The following GATA4 variants were observed in gnomAD, a reference collection of about 807,000 sequenced individuals.
GATA4 encodes the protein transcription factor GATA-4.
GATA4 carries 7 observed loss-of-function variants against 37.9 expected under a neutral mutation model. The observed-to-expected ratio is 0.18, with a 90% CI of 0.11 to 0.35. The LOEUF is 0.35. Ranked by LOEUF, GATA4 falls within the 10% of genes least tolerant of loss-of-function variation. The pLI is 1.00. For synonymous variants in GATA4, 372 were observed against 292.6 expected (o/e 1.27, Z -2.77); for missense variants, 647 against 653.0 (o/e 0.99, Z 0.10).
chr8:11,693,560 C>CAGAGAGAGAGAGAGAG (rs1285850308), intron 1 of GATA4, among the ~76,000 whole-genome samples: 13 of 68,920 alleles, frequency 1.9e-4, no homozygotes, highest in South Asian at 7.0e-4. Flanking sequence ...CACACACACA[C>CAGAGAGAGAGAGAGAG]ACAGAGAGAG....
At chr8:11,745,967 G>T (rs1193920870) in intron 2 of GATA4, among the ~76,000 whole-genome samples, 1 of 152,192 alleles carries the variant, frequency 6.6e-6, no homozygotes, top group Non-Finnish European at 1.5e-5. Context: ...TTCTGAATAT[G>T]TTTAAATTTT....
upstream of GATA4, among the ~76,000 whole-genome samples, chr8:11,690,772 G>A (rs116243442): frequency 3.7e-3 from 560 of 152,324 alleles, 2 homozygotes; most frequent in African/African-American, 0.011. Context: ...TCCGGAGGCC[G>A]AGGTGGGAGG....
intron 2 of GATA4, among the ~76,000 whole-genome samples, chr8:11,728,023 G>T (rs571671496): frequency 1.3e-5 from 2 of 152,234 alleles, no homozygotes; most frequent in African/African-American, 2.4e-5. Flanking sequence ...GGAGTTTCAC[G>T]CTTGTTGCCC....
chr8:11,698,655 G>C (rs1239158404), intron 1 of GATA4, among the ~76,000 whole-genome samples: 2 of 152,124 alleles, frequency 1.3e-5, no homozygotes, highest in Non-Finnish European at 2.9e-5. Context: ...GGTGCCCCTG[G>C]CTTCTGGTCA....
chr8:11,679,685 C>G (rs1798892679), intron 1 of GATA4, among the ~76,000 whole-genome samples: 1 of 152,194 alleles, frequency 6.6e-6, no homozygotes, highest in African/African-American at 2.4e-5. Context: ...CCTGAGTGGG[C>G]CGGGTGCTGG....
chr8:11,696,465 G>T (rs1471679806), intron 1 of GATA4, among the ~76,000 whole-genome samples: 2 of 151,974 alleles, frequency 1.3e-5, no homozygotes, highest in Non-Finnish European at 2.9e-5. Context: ...TTGTTACTGA[G>T]TAGTATTCCA....
intron 1 of GATA4, among the ~76,000 whole-genome samples, chr8:11,679,955 G>A (rs909316036): frequency 1.3e-5 from 2 of 152,184 alleles, no homozygotes; most frequent in African/African-American, 2.4e-5. Flanking sequence ...TTGCACTGGG[G>A]TTTTGTTTCT....
rs80005806 is a variant in GATA4, at chr8:11,723,074, T to C, written c.616+14146T>C. Among the ~76,000 whole-genome samples the C allele has an allele frequency of 1.7e-4, 26 of 152,296 alleles. No individual in the cohort carries two copies. The East Asian group carries it at 4.4e-3, about 26-fold the overall frequency. On this transcript the variant is annotated intron_variant, in intron 2 of 6. Coordinates refer to ENST00000532059, the MANE Select transcript of GATA4 (RefSeq NM_001308093.3). The stretch of plus-strand genomic sequence containing the variant: ...AGAACTCATGGACTTCAGCTGAGTA[T>C]AGAGGCTCATGCTTGTAATCCCAGC...
intron 2 of GATA4, among the ~76,000 whole-genome samples, chr8:11,717,692 C>T (rs934486190): frequency 1.3e-5 from 2 of 152,224 alleles, no homozygotes; most frequent in Admixed American, 6.5e-5. Flanking sequence ...CGCTCCCATC[C>T]GCTTCCTCTC....
rs549727968 is a variant in GATA4, at chr8:11,686,589, T to A, written c.-274+9526T>A. On this transcript the variant is annotated intron_variant, in intron 1 of 6. Transcript: ENST00000528712. ...AAGGCCGAGACAGGCACCATAGCCA[T>A]CTTCATGTAATTTTCCAGCCCCCTA... Among the ~76,000 whole-genome samples the A allele has an allele frequency of 8.5e-5, 13 of 152,312 alleles. No individual in the cohort carries two copies. The South Asian group carries it at 2.7e-3, about 32-fold the overall frequency.
chr8:11,757,725 C>G (rs1000707985), intron 6 of GATA4, among the ~76,000 whole-genome samples: 1 of 152,230 alleles, frequency 6.6e-6, no homozygotes, highest in Non-Finnish European at 1.5e-5. Context: ...CATGTTCCCT[C>G]TGGCGGAGGA....
chr8:11,686,589 T>C (rs549727968), intron 1 of GATA4, among the ~76,000 whole-genome samples: 1 of 152,194 alleles, frequency 6.6e-6, no homozygotes, highest in Non-Finnish European at 1.5e-5. Flanking sequence ...ACCATAGCCA[T>C]CTTCATGTAA....
At chr8:11,690,053 C>G (rs957105514), upstream of GATA4, among the ~76,000 whole-genome samples, 2 of 152,202 alleles carry the variant, frequency 1.3e-5, no homozygotes, top group Admixed American at 1.3e-4. Flanking sequence ...CCTTGAAGTC[C>G]CTTGCAATAC....
At chr8:11,754,856 A>G (rs540398155) in intron 4 of GATA4, among the ~76,000 whole-genome samples, 190 bp from the exon 5 acceptor site, 1 of 152,302 alleles carries the variant, frequency 6.6e-6, no homozygotes, top group South Asian at 2.1e-4. Flanking sequence ...CAGGTGCTCG[A>G]TAAGTTTTTT....
intron 2 of GATA4, among the ~76,000 whole-genome samples, chr8:11,716,767 G>T (rs1401774489): frequency 6.6e-6 from 1 of 152,220 alleles, no homozygotes; most frequent in Non-Finnish European, 1.5e-5. Flanking sequence ...CGGTGGGATT[G>T]TGTGAAGAAC....
intron 1 of GATA4, chr8:11,697,768 G>T: frequency 2.0e-6 from 2 of 985,436 alleles, no homozygotes; most frequent in South Asian, 9.4e-5. Flanking sequence ...CTGCCTGGGC[G>T]TCTTCTCCAA....
At chr8:11,731,889 A>G (rs796112456) in intron 2 of GATA4, among the ~76,000 whole-genome samples, 11 of 152,348 alleles carry the variant, frequency 7.2e-5, no homozygotes, top group African/African-American at 2.6e-4. Flanking sequence ...ACGATTAGGT[A>G]GAACTAGCCA....
At chr8:11,695,281 C>G (rs1799470870) in intron 1 of GATA4, among the ~76,000 whole-genome samples, 1 of 152,102 alleles carries the variant, frequency 6.6e-6, no homozygotes. Flanking sequence ...TGGCACATGC[C>G]TGTAATCCCA....
At chr8:11,703,066 C>G (rs1370173013), upstream of GATA4, among the ~76,000 whole-genome samples, 6 of 152,196 alleles carry the variant, frequency 3.9e-5, no homozygotes, top group Non-Finnish European at 7.3e-5. Context: ...GGTGGCGTTC[C>G]CAGCCTGCTT....
Sources: gnomAD v4.1 joint callset for allele counts (sites outside exome capture counted in the v4.1 genomes callset) on GRCh38, gnomAD v4.1.1 for gene constraint, MANE v1.5 for transcripts, NCBI Gene and HGNC (gene_info 2026-07-23, HGNC 2026-07-21) for gene names.